BPIFB2: variants seen among roughly 807,000 people sequenced by gnomAD.
BPIFB2 encodes the protein BPI fold containing family B member 2.
A neutral mutation model predicts 50.1 loss-of-function variants in BPIFB2; 39 were observed. The observed-to-expected ratio is 0.78, with a 90% CI of 0.60 to 1.02. The LOEUF is 1.02. Among genes scored for constraint, BPIFB2 ranks in the 50% least tolerant of loss-of-function variants. The probability of loss-of-function intolerance (pLI) is 0.00; values close to 1 mark genes in which losing one functional copy is unlikely to be tolerated. For missense variants in BPIFB2, 574 were observed against 585.8 expected, an observed-to-expected ratio of 0.98 and a Z score of 0.21; for synonymous variants, 280 against 256.3, an observed-to-expected ratio of 1.09 and a Z score of -0.88.
At chr20:33,010,942 C>A in intron 2 of BPIFB2, 82 bp from the exon 3 acceptor site, 1 of 1,207,678 alleles carries the variant, frequency 8.3e-7, no homozygotes, top group Non-Finnish European at 1.2e-6. Flanking sequence ...GCCCAAGGTG[C>A]AGGGTAGATG....
rs776189677 is a variant in BPIFB2, at chr20:33,017,047, C to T, written c.522C>T (p.Cys174=). ...HIKAVLSNKL[C]LSISNLVQGV... ...TTCTCTCTGTCTTACCACAGCTGTG[C>T]CTGAGCATCTCCAACCTGGTGCAGG... Residue 174 remains cysteine, a synonymous_variant, in exon 7 of 16, where the codon TGC becomes TGT. Transcript: ENST00000170150. The T allele has an allele frequency of 1.5e-5, 24 of 1,613,962 alleles. No individual in the cohort carries two copies. Among genetic ancestry groups the T allele is most frequent in the Non-Finnish European group, 1.9e-5 (23 of 1,179,962 alleles).
Position 33,023,600 on chromosome 20 carries a change from A to C in BPIFB2, c.*217A>C. The C allele has an allele frequency of 2.8e-5, 17 of 611,472 alleles. No individual in the cohort carries two copies. The highest frequency in any genetic ancestry group is 5.6e-5 in the African/African-American group (3 of 53,122). The allele number at this position is 611,472 out of a possible 1,614,324, so 37.9% of individuals were successfully genotyped here. A position where few individuals can be genotyped will look rare whatever the true frequency, so the allele number is the denominator to read the frequency against. ...CTCCTCTTCTCCTCCCTCTTCCCTC[A>C]TCTCCCCCCTCCTTCCTCTGCCCCA... On this transcript the variant is annotated 3_prime_UTR_variant, in exon 16 of 16. Transcript: ENST00000170150.
chr20:33,023,394 C>CT lies in BPIFB2; in HGVS notation c.*12dup. ...TTCTACCAGAGCTGAGGCAAGACCA[C>CT]TGGGAGGCCTGAGAGTGGGCCAGCT... On this transcript the variant is annotated 3_prime_UTR_variant, in exon 16 of 16. Coordinates refer to ENST00000170150, the MANE Select transcript of BPIFB2 (RefSeq NM_025227.3). The CT allele has an allele frequency of 6.2e-7, 1 of 1,613,670 alleles. No individual in the cohort carries two copies. The highest frequency in any genetic ancestry group is 1.3e-5 in the African/African-American group (1 of 75,032).
chr20:33,023,106 A>T (rs894434150), intron 15 of BPIFB2, among the ~76,000 whole-genome samples: 1 of 152,234 alleles, frequency 6.6e-6, no homozygotes, highest in African/African-American at 2.4e-5. Flanking sequence ...CCATCGGAGC[A>T]GCAACCAGTG....
chr20:33,020,019 G>T (rs1315223830), intron 11 of BPIFB2, among the ~76,000 whole-genome samples: 1 of 152,092 alleles, frequency 6.6e-6, no homozygotes, highest in Non-Finnish European at 1.5e-5. Flanking sequence ...GAGTAAGAAG[G>T]TCCCCATCAG....
chr20:33,023,308 T>A (rs1057399689), intron 15 of BPIFB2, 34 bp from the exon 16 acceptor site: 1 of 1,609,352 alleles, frequency 6.2e-7, no homozygotes, highest in Admixed American at 1.7e-5. Context: ...CTGTGCCTCC[T>A]CTGACCTGGT....
At chr20:33,014,344 G>A (rs769323148) in intron 5 of BPIFB2, among the ~76,000 whole-genome samples, 16 of 152,342 alleles carry the variant, frequency 1.1e-4, no homozygotes, top group African/African-American at 3.1e-4. Flanking sequence ...GCCAGCTCTC[G>A]CAGGCCAGGC....
chr20:33,012,717 T>G, intron 3 of BPIFB2, 86 bp from the exon 4 acceptor site: 1 of 1,014,404 alleles, frequency 9.9e-7, no homozygotes, highest in South Asian at 1.4e-5. Flanking sequence ...TATAACATCG[T>G]GTGGGTATGG....
chr20:33,012,896 C>T lies in BPIFB2; in HGVS notation c.297C>T (p.Phe99=). 1.2e-6 allele frequency: 2 copies of T among 1,611,602 alleles called. No homozygotes were observed. Among genetic ancestry groups the T allele is most frequent in the South Asian group, 2.2e-5 (2 of 91,008 alleles). ...TGCTGGCAGCAGCTAATTTTACTTT[C>T]AAGGTCTTTCGGTGAGCGGATCTCC... ...VRLLAAANFT[F]KVFRAPEPLE... Residue 99 remains phenylalanine (F), a synonymous_variant, in exon 4 of 16, where the codon TTC becomes TTT. Transcript: ENST00000170150.
At chr20:33,022,955 G>A (rs78333730) in intron 15 of BPIFB2, among the ~76,000 whole-genome samples, 75 of 152,266 alleles carry the variant, frequency 4.9e-4, no homozygotes, top group African/African-American at 1.6e-3. Context: ...ATGAATGATC[G>A]GCAGCCCTCC....
chr20:33,018,893 C>T lies in BPIFB2; in HGVS notation c.855+71C>T, dbSNP rs1978543150. On this transcript the variant is annotated intron_variant, in intron 9 of 15. Coordinates refer to ENST00000170150, the MANE Select transcript of BPIFB2 (RefSeq NM_025227.3). ...CTGTGGCCCAGCCTAGGGAGACCTC[C>T]CAGAGGCCAAATCATGGGTGGGTGG... 1.9e-6 allele frequency: 3 copies of T among 1,572,876 alleles called. No individual in the cohort carries two copies. The African/African-American group carries it at 4.0e-5, about 21-fold the overall frequency.
chr20:33,022,190 A>G (rs928164374), intron 15 of BPIFB2, among the ~76,000 whole-genome samples: 25 of 152,122 alleles, frequency 1.6e-4, no homozygotes, highest in African/African-American at 5.8e-4. Flanking sequence ...TGGACCTGAA[A>G]TTGTGGGCCC....
intron 2 of BPIFB2, 39 bp downstream of exon 2, chr20:33,008,722 T>C: frequency 6.7e-7 from 1 of 1,500,608 alleles, no homozygotes; most frequent in Non-Finnish European, 9.1e-7. Context: ...TGTGAGCCTG[T>C]ACATGCGTGT....
At chr20:33,010,974 C>T (rs950788908) in intron 2 of BPIFB2, 50 bp from the exon 3 acceptor site, 2 of 1,500,326 alleles carry the variant, frequency 1.3e-6, no homozygotes, top group Non-Finnish European at 1.9e-6. Context: ...GTTCTTGCTA[C>T]TTGGTGGTTC....
At chr20:33,023,051 C>T (rs922899795) in intron 15 of BPIFB2, among the ~76,000 whole-genome samples, 2 of 152,174 alleles carry the variant, frequency 1.3e-5, no homozygotes, top group African/African-American at 4.8e-5. Context: ...GGAGAAGATG[C>T]TCCATGGTTC....
chr20:33,014,900 C>T (rs560525764), intron 5 of BPIFB2, among the ~76,000 whole-genome samples: 20 of 152,370 alleles, frequency 1.3e-4, no homozygotes, highest in Non-Finnish European at 1.5e-4. Flanking sequence ...ACCTCCCCCC[C>T]AGGGAGCTGG....
chr20:33,018,942 G>T (rs1157200091), intron 9 of BPIFB2, 120 bp downstream of exon 9: 1 of 1,571,262 alleles, frequency 6.4e-7, no homozygotes, highest in East Asian at 2.3e-5. Context: ...GGCGCCACAG[G>T]GTGGCTGTTG....
At chr20:33,020,290 C>T in intron 11 of BPIFB2, 38 bp from the exon 12 acceptor site, 2 of 1,600,712 alleles carry the variant, frequency 1.2e-6, no homozygotes, top group Non-Finnish European at 1.7e-6. Flanking sequence ...CCCCTCATGG[C>T]TCTGTGCCCT....
rs1442584516 is a variant in BPIFB2, at chr20:33,009,648, T to A, written c.109+965T>A. ...GGCAATGAAAGGGGTCAGTGATCCG[T>A]GCCAGAGCATGACATGGAGCCATTC... On this transcript the variant is annotated intron_variant, in intron 2 of 15. Transcript: ENST00000170150. This position sits in a 1 kb window ranked among gnomAD's most constrained non-coding sequence, Gnocchi z 4.2. Among the ~76,000 whole-genome samples, 1 of 152,202 alleles carries A rather than the reference T, an allele frequency of 6.6e-6. No homozygotes were observed. The highest frequency in any genetic ancestry group is 2.4e-5 in the African/African-American group (1 of 41,448).
Sources: gnomAD v4.1 joint callset for allele counts (sites outside exome capture counted in the v4.1 genomes callset) on GRCh38, gnomAD v4.1.1 for gene constraint, Gnocchi (gnomAD v3.1) non-coding constraint, MANE v1.5 for transcripts, NCBI Gene and HGNC (gene_info 2026-07-23, HGNC 2026-07-21) for gene names.